Variants in BCAN observed in about 807,000 individuals in gnomAD.
BCAN encodes the protein brevican core protein.
A neutral mutation model predicts 92.4 loss-of-function variants in BCAN; 51 were observed. The ratio of observed to expected loss-of-function variants is 0.55; its 90% CI spans 0.44 to 0.70. The LOEUF (loss-of-function observed/expected upper bound fraction) is 0.70, where lower values mean the gene tolerates loss of function less well. Among genes scored for constraint, BCAN ranks in the 30% least tolerant of loss-of-function variants. BCAN has a pLI of 0.00. For synonymous variants in BCAN, 501 were observed against 505.2 expected (o/e 0.99, Z 0.11); for missense variants, 1,140 against 1,212.1 (o/e 0.94, Z 0.88).
At chr1:156,646,655 GGCCCCTGGC>G (rs1557985788) in intron 2 of BCAN, 137 bp from the exon 3 acceptor site, 398 of 789,102 alleles carry the variant, frequency 5.0e-4, no homozygotes, top group Admixed American at 2.1e-3. Context: ...GCAGGACCCT[GGCCCCTGGC>G]CCCTGGCCCC....
intron 1 of BCAN, among the ~76,000 whole-genome samples, chr1:156,645,584 T>C (rs1188984187): frequency 6.6e-6 from 1 of 152,032 alleles, no homozygotes; most frequent in Non-Finnish European, 1.5e-5. Context: ...GGGAGAAGGC[T>C]CTGGGTTCGA....
Position 156,657,664 on chromosome 1 carries a change from C to A in BCAN, c.2210-11C>A, listed in dbSNP as rs1279259876. On this transcript the variant is annotated splice_polypyrimidine_tract_variant and intron_variant, in intron 10 of 13. Coordinates refer to ENST00000329117, the MANE Select transcript of BCAN (RefSeq NM_021948.5). ...GGCGGCTGCGCTCACTGCACGCCTT[C>A]GTCTCCCTAGACCGGTACCGGGAGT... 1.9e-6 allele frequency: 3 copies of A among 1,600,628 alleles called. No homozygotes were observed. The East Asian group carries it at 6.8e-5, about 36-fold the overall frequency.
rs768646668 is a variant in BCAN at position 156,652,273 on chromosome 1, G to A, written c.1323G>A (p.Pro441=). Residue 441 remains proline (P), a synonymous_variant, in exon 8 of 14, where the codon CCG becomes CCA. Transcript: ENST00000329117. ...LLEFETQSMV[P]PTGFSEEEGK... ...AATTTGAAACACAATCCATGGTACC[G>A]CCCACGGGGTTCTCAGAAGAGGAAG... 1.9e-6 allele frequency: 3 copies of A among 1,603,986 alleles called. No individual in the cohort carries two copies. In the South Asian group the frequency reaches 3.4e-5, roughly 18 times the overall value.
rs1196035275 is a variant in BCAN at position 156,647,848 on chromosome 1, C to A, written c.642-135C>A. On this transcript the variant is annotated intron_variant, in intron 4 of 13. Transcript: ENST00000329117. The surrounding 1 kb of genome is among the most constrained non-coding windows in gnomAD (Gnocchi z 4.8). Reference sequence around the variant, plus strand: ...AGGTGAGGACCCTGAGCATGTGCATCCCTGCAGTGCTAGAAGGACAGCCAG... The same window carrying A: ...AGGTGAGGACCCTGAGCATGTGCATACCTGCAGTGCTAGAAGGACAGCCAG... 2 of 1,536,388 alleles carry A rather than the reference C, an allele frequency of 1.3e-6. No homozygotes were observed. The highest frequency in any genetic ancestry group is 1.8e-6 in the Non-Finnish European group (2 of 1,112,284).
chr1:156,649,438 C>T (rs745605774), intron 6 of BCAN, among the ~76,000 whole-genome samples: 4 of 152,256 alleles, frequency 2.6e-5, no homozygotes, highest in Admixed American at 6.5e-5. Context: ...GGTCTCACTC[C>T]GTCCCCCAGG....
chr1:156,650,962 G>C (rs1360679122), intron 6 of BCAN, among the ~76,000 whole-genome samples: 1 of 152,040 alleles, frequency 6.6e-6, no homozygotes, highest in African/African-American at 2.4e-5. Context: ...AGAATTTGGG[G>C]ATACCTGGGA....
Position 156,646,802 on chromosome 1 carries a change from G to A in BCAN, c.93G>A (p.Glu31=), listed in dbSNP as rs761796719. The change falls in exon 3 of 14, where the codon GAG becomes GAA. Residue 31 remains glutamate, a splice_region_variant and synonymous_variant. Transcript: ENST00000329117. ...LADVLEGDSS[E]DRAFRVRIAG... Reference sequence around the variant, plus strand: ...CCAGCCGGCTCCACCCGTTCACAGAGGACCGCGCTTTTCGCGTGCGCATCG... The same window carrying A: ...CCAGCCGGCTCCACCCGTTCACAGAAGACCGCGCTTTTCGCGTGCGCATCG... 3.2e-6 allele frequency: 5 copies of A among 1,559,390 alleles called. No individual in the cohort carries two copies. In the South Asian group the frequency reaches 6.1e-5, roughly 19 times the overall value.
chr1:156,657,858 C>T (rs899242098), intron 11 of BCAN, 101 bp downstream of exon 11: 3 of 1,019,262 alleles, frequency 2.9e-6, no homozygotes, highest in Non-Finnish European at 4.2e-6. Context: ...CTTCTTTTTC[C>T]GGCCTCCTTC....
intron 6 of BCAN, 89 bp downstream of exon 6, chr1:156,648,950 C>T: frequency 7.1e-7 from 1 of 1,409,936 alleles, no homozygotes; most frequent in South Asian, 1.5e-5. Context: ...ATCAGTTTAG[C>T]TCAGGGCTTT....
At chr1:156,657,991 G>A (rs1428160929) in intron 11 of BCAN, 136 bp from the exon 12 acceptor site, 10 of 1,068,166 alleles carry the variant, frequency 9.4e-6, no homozygotes, top group South Asian at 6.6e-5. Flanking sequence ...CCCCTTCCCC[G>A]GGAGATCCCC....
intron 10 of BCAN, chr1:156,657,343 G>A: frequency 1.6e-6 from 1 of 607,106 alleles, no homozygotes; most frequent in Non-Finnish European, 2.8e-6. Flanking sequence ...CCGGGCCGCC[G>A]TGCAGGGGGC....
chr1:156,648,108 AT>A lies in BCAN; in HGVS notation c.768del (p.Asn256LysfsTer13), dbSNP rs1382746556. 1 of 1,612,232 alleles carries A rather than the reference AT, an allele frequency of 6.2e-7. No individual in the cohort carries two copies. Among genetic ancestry groups the A allele is most frequent in the Admixed American group, 1.7e-5 (1 of 59,990 alleles). On this transcript the variant is annotated frameshift_variant and splice_region_variant, in exon 5 of 14. Coordinates refer to ENST00000329117, the MANE Select transcript of BCAN (RefSeq NM_021948.5). LOFTEE classifies it high-confidence loss of function. ...YDVYCYAEDL[N>X]GELFLGDPPE... The stretch of plus-strand genomic sequence containing the variant: ...GTGTACTGTTATGCTGAAGACCTAA[AT>A]GGTGATTAGGAGTGAGAGGTTCCCA...
rs754829077 is a variant in BCAN at position 156,658,978 on chromosome 1, AGAG to A, written c.2629-45_2629-43del. The A allele has an allele frequency of 8.7e-6, 13 of 1,490,760 alleles. No homozygotes were observed. The highest frequency in any genetic ancestry group is 1.1e-5 in the Non-Finnish European group (12 of 1,090,864). The allele number at this position is 1,490,760 out of a possible 1,614,324, so 92.3% of individuals were successfully genotyped here. On this transcript the variant is annotated intron_variant, in intron 13 of 13. Transcript: ENST00000329117. This position sits in a 1 kb window ranked among gnomAD's most constrained non-coding sequence, Gnocchi z 4.4. ...GAACATCAGAGGGCAGGCTCTGAGG[AGAG>A]GAGAAGGAAGAGCCAGGGTGGAGGG...
intron 1 of BCAN, chr1:156,643,992 T>TACCGG (rs991451681): frequency 6.2e-4 from 95 of 152,326 alleles, no homozygotes; most frequent in African/African-American, 2.2e-3. Context: ...CTGAGGCTGG[T>TACCGG]ACCGGATGTG....
At position 156,647,623 on chromosome 1, in the gene BCAN, C is replaced by T. The variant is rs984625629; in HGVS notation, c.582C>T (p.Ala194=). ...AHIATPEQLY[A]AYLGGYEQCD... The stretch of plus-strand genomic sequence containing the variant: ...TCGCCACCCCGGAGCAGCTCTATGC[C>T]GCCTACCTTGGGGGCTATGAGCAAT... The change falls in exon 4 of 14, where the codon GCC becomes GCT. Residue 194 remains alanine (A), a synonymous_variant. Coordinates refer to ENST00000329117, the MANE Select transcript of BCAN (RefSeq NM_021948.5). This position sits in a 1 kb window ranked among gnomAD's most constrained non-coding sequence, Gnocchi z 4.8. 9 of 1,612,626 alleles carry T rather than the reference C, an allele frequency of 5.6e-6. No homozygotes were observed. Among genetic ancestry groups the T allele is most frequent in the African/African-American group, 2.7e-5 (2 of 75,008 alleles).
Position 156,646,783 on chromosome 1 carries a change from GGCTCCAC to G in BCAN, c.92-17_92-11del. 1 of 1,531,680 alleles carries G rather than the reference GGCTCCAC, an allele frequency of 6.5e-7. No homozygotes were observed. Among genetic ancestry groups the G allele is most frequent in the Non-Finnish European group, 8.8e-7 (1 of 1,138,390 alleles). 94.9% of individuals were successfully genotyped at this position (1,531,680 alleles called of 1,614,324 possible). A position where few individuals can be genotyped will look rare whatever the true frequency, so the allele number is the denominator to read the frequency against. ...GGGTCGACAGCGTTAAGTTCCAGCCGGCTCCACCCGTTCACAGAGGACCGCGCTTTTC... is the reference window on the plus strand; with the variant it reads ...GGGTCGACAGCGTTAAGTTCCAGCCGCCGTTCACAGAGGACCGCGCTTTTC... On this transcript the variant is annotated splice_polypyrimidine_tract_variant and intron_variant, in intron 2 of 13. Transcript: ENST00000329117.
At position 156,658,118 on chromosome 1, in the gene BCAN, T is replaced by C; in HGVS notation, c.2293-9T>C. 2 of 1,612,830 alleles carry C rather than the reference T, an allele frequency of 1.2e-6. No homozygotes were observed. Among genetic ancestry groups the C allele is most frequent in the Non-Finnish European group, 1.7e-6 (2 of 1,179,276 alleles). On this transcript the variant is annotated splice_polypyrimidine_tract_variant and intron_variant, in intron 11 of 13. Coordinates refer to ENST00000329117, the MANE Select transcript of BCAN (RefSeq NM_021948.5). The surrounding 1 kb of genome is among the most constrained non-coding windows in gnomAD (Gnocchi z 4.4). ...TAGGAGCTCCTCACCACCTCCTCCG[T>C]TCCCCCAGCTCTATGAGAACTGGAA... is the stretch of plus-strand genomic sequence containing the variant.
In BCAN at chr1:156,648,760, G is replaced by A. The variant is rs753351484; in HGVS notation, c.962G>A (p.Arg321His). ...VRYPIVTPSQ[R>H]CGGGLPGVKT... ...TACCCCATCGTCACACCCAGCCAGC[G>A]CTGTGGTGGGGGCTTGCCTGGTGTC... The change falls in exon 6 of 14, where the codon CGC (arginine) becomes CAC (histidine). Residue 321 changes from arginine to histidine, a missense_variant. Transcript: ENST00000329117. The A allele has an allele frequency of 6.2e-6, 10 of 1,611,504 alleles. No individual in the cohort carries two copies. Among genetic ancestry groups the A allele is most frequent in the Middle Eastern group, 1.6e-4 (1 of 6,074 alleles).
Position 156,647,315 on chromosome 1 carries a change from C to G in BCAN, c.466+140C>G, listed in dbSNP as rs1571439672. ...GGGTTGGAAAAAGAGTGAGGAGACACGGGCCTTTGTTGTCTCCTTTCTCTC... is the reference window on the plus strand; with the variant it reads ...GGGTTGGAAAAAGAGTGAGGAGACAGGGGCCTTTGTTGTCTCCTTTCTCTC... On this transcript the variant is annotated intron_variant, in intron 3 of 13. Coordinates refer to ENST00000329117, the MANE Select transcript of BCAN (RefSeq NM_021948.5). The surrounding 1 kb of genome is among the most constrained non-coding windows in gnomAD (Gnocchi z 4.8). 3 of 1,193,710 alleles carry G rather than the reference C, an allele frequency of 2.5e-6. No individual in the cohort carries two copies. The highest frequency in any genetic ancestry group is 3.4e-6 in the Non-Finnish European group (3 of 870,486). 73.9% of individuals were successfully genotyped at this position (1,193,710 alleles called of 1,614,324 possible). A position where few individuals can be genotyped will look rare whatever the true frequency, so the allele number is the denominator to read the frequency against.
Sources: gnomAD v4.1 joint callset for allele counts (sites outside exome capture counted in the v4.1 genomes callset) on GRCh38, gnomAD v4.1.1 for gene constraint, Gnocchi (gnomAD v3.1) non-coding constraint, MANE v1.5 for transcripts, NCBI Gene and HGNC (gene_info 2026-07-23, HGNC 2026-07-21) for gene names.